Variants in DHTKD1 observed in about 807,000 individuals in gnomAD.
The protein encoded by DHTKD1 is dehydrogenase E1 and transketolase domain containing 1.
Under a neutral mutation model 101.8 loss-of-function variants are expected in DHTKD1, and 78 were observed. The ratio of observed to expected loss-of-function variants is 0.77; its 90% CI spans 0.64 to 0.93. DHTKD1 has a LOEUF of 0.93. Among genes scored for constraint, DHTKD1 ranks in the 40% least tolerant of loss-of-function variants. The pLI, the probability that DHTKD1 is intolerant of heterozygous loss-of-function variation, is 0.00. For synonymous variants in DHTKD1, 462 were observed against 450.3 expected, an observed-to-expected ratio of 1.03 and a Z score of -0.33; for missense variants, 1,223 against 1,161.7, an observed-to-expected ratio of 1.05 and a Z score of -0.77.
In DHTKD1 at chr10:12,106,255, A is replaced by G. The variant is rs1564396341; in HGVS notation, c.1906A>G (p.Ser636Gly). The change falls in exon 11 of 17, where the codon AGC becomes GGC. Residue 636 changes from serine to glycine, a missense_variant. Transcript: ENST00000263035. ...NQKGFLEVSN[S>G]PLSEEAVLGF... ...TCTTCTCTGGGATTAGGTCAGCAACAGCCCACTGTCAGAAGAGGCCGTCCT... is the reference window on the plus strand; with the variant it reads ...TCTTCTCTGGGATTAGGTCAGCAACGGCCCACTGTCAGAAGAGGCCGTCCT... 2.5e-6 allele frequency: 4 copies of G among 1,614,138 alleles called. No individual in the cohort carries two copies. The highest frequency in any genetic ancestry group is 2.5e-6 in the Non-Finnish European group (3 of 1,179,982).
intron 2 of DHTKD1, among the ~76,000 whole-genome samples, chr10:12,083,877 C>A (rs1832858667): frequency 6.6e-6 from 1 of 151,436 alleles, no homozygotes; most frequent in African/African-American, 2.4e-5. Flanking sequence ...TTAGTTTTTT[C>A]TTTAGAAAAA....
intron 14 of DHTKD1, 150 bp from the exon 15 acceptor site, chr10:12,118,599 G>A (rs557266152): frequency 8.0e-5 from 35 of 438,354 alleles, no homozygotes; most frequent in East Asian, 2.5e-4. Flanking sequence ...AGCCAGGATG[G>A]TCTTGATTTC....
At chr10:12,099,280 A>G (rs1833119894) in intron 8 of DHTKD1, among the ~76,000 whole-genome samples, 1 of 152,130 alleles carries the variant, frequency 6.6e-6, no homozygotes, top group Non-Finnish European at 1.5e-5. Flanking sequence ...CACTCAGCTT[A>G]GGAAATAGGA....
intron 4 of DHTKD1, 80 bp from the exon 5 acceptor site, chr10:12,088,906 A>T (rs548060401): frequency 7.5e-7 from 1 of 1,336,706 alleles, no homozygotes; most frequent in South Asian, 1.4e-5. Flanking sequence ...TTTTTGTTGT[A>T]TGATTTCAAC....
In DHTKD1 at chr10:12,107,447, T is replaced by G. The variant is rs112994617; in HGVS notation, c.2048-462T>G. On this transcript the variant is annotated intron_variant, in intron 11 of 16. Transcript: ENST00000263035. This position sits in a 1 kb window ranked among gnomAD's most constrained non-coding sequence, Gnocchi z 4.1. ...TGGCTTTCTTTTTTGAGACGGTGTC[T>G]CACTCTGTCCCTCAGGCTGGTGTGC... Among the ~76,000 whole-genome samples, 1 of 152,080 alleles carries G rather than the reference T, an allele frequency of 6.6e-6. No homozygotes were observed. Among genetic ancestry groups the G allele is most frequent in the Non-Finnish European group, 1.5e-5 (1 of 68,018 alleles).
intron 4 of DHTKD1, among the ~76,000 whole-genome samples, chr10:12,088,707 T>C (rs926037630): frequency 1.3e-5 from 2 of 151,922 alleles, no homozygotes; most frequent in African/African-American, 4.8e-5. Flanking sequence ...CCTCAGCCTC[T>C]CTACTAGCTG....
intron 10 of DHTKD1, among the ~76,000 whole-genome samples, chr10:12,101,622 GA>G (rs1333612177): frequency 1.3e-5 from 2 of 151,942 alleles, no homozygotes; most frequent in African/African-American, 4.8e-5. Flanking sequence ...TTTTTTTTCG[GA>G]GACTTAATCT....
chr10:12,119,521 C>T (rs1467081057), intron 15 of DHTKD1, among the ~76,000 whole-genome samples: 3 of 145,374 alleles, frequency 2.1e-5, no homozygotes, highest in African/African-American at 5.1e-5. Context: ...GAGGCTGACG[C>T]AGGAGAATGG....
At position 12,106,240 on chromosome 10, in the gene DHTKD1, G is replaced by C. The variant is rs772545966; in HGVS notation, c.1897-6G>C. ...TGCAGCGTTTCCTTCTCTTCTCTGG[G>C]ATTAGGTCAGCAACAGCCCACTGTC... On this transcript the variant is annotated splice_region_variant and splice_polypyrimidine_tract_variant and intron_variant, in intron 10 of 16. Coordinates refer to ENST00000263035, the MANE Select transcript of DHTKD1 (RefSeq NM_018706.7). The C allele has an allele frequency of 1.2e-6, 2 of 1,614,160 alleles. No homozygotes were observed. The highest frequency in any genetic ancestry group is 8.5e-7 in the Non-Finnish European group (1 of 1,179,998).
intron 1 of DHTKD1, among the ~76,000 whole-genome samples, chr10:12,079,582 C>A (rs10906065): frequency 0.38 from 58,173 of 151,792 alleles, 12,107 homozygotes; most frequent in South Asian, 0.48. Flanking sequence ...GCAGGGGAAT[C>A]ACTTGAACCC....
intron 10 of DHTKD1, 98 bp downstream of exon 10, chr10:12,101,279 T>A: frequency 7.2e-7 from 1 of 1,393,600 alleles, no homozygotes; most frequent in Non-Finnish European, 9.6e-7. Context: ...AACTTTGGGT[T>A]CAGTACTTTT....
chr10:12,118,720 C>T lies in DHTKD1; in HGVS notation c.2403-29C>T, dbSNP rs779773179. On this transcript the variant is annotated intron_variant, in intron 14 of 16. Transcript: ENST00000263035. ...TTCTTACTTTAAAAAATTTCTCCCC[C>T]ACCCTATTGTTCCTTTTCTGTCCAA... 2.3e-5 allele frequency: 33 copies of T among 1,453,970 alleles called. No homozygotes were observed. In the African/African-American group the frequency reaches 3.9e-4, roughly 17 times the overall value. 90.1% of individuals were successfully genotyped at this position (1,453,970 alleles called of 1,614,324 possible). A position where few individuals can be genotyped will look rare whatever the true frequency, so the allele number is the denominator to read the frequency against.
At chr10:12,102,913 C>T (rs1474597462) in intron 10 of DHTKD1, among the ~76,000 whole-genome samples, 1 of 152,030 alleles carries the variant, frequency 6.6e-6, no homozygotes, top group Non-Finnish European at 1.5e-5. Flanking sequence ...AACCACCACG[C>T]CTGGCCGAAG....
At position 12,074,908 on chromosome 10, in the gene DHTKD1, T is replaced by G. The variant is rs555915027; in HGVS notation, c.154+5721T>G. ...TTAGAGGCCGAAGCCAGTGGGTTAC[T>G]TGAGGTGAGGAGTTCAAGACCAGTC... On this transcript the variant is annotated intron_variant, in intron 1 of 16. Transcript: ENST00000263035. Among the ~76,000 whole-genome samples, 267 of 152,112 alleles carry G rather than the reference T, an allele frequency of 1.8e-3. 2 individuals carry two copies. The highest frequency in any genetic ancestry group is 6.1e-3 in the African/African-American group (254 of 41,546).
chr10:12,070,527 C>T (rs140280774), intron 1 of DHTKD1, among the ~76,000 whole-genome samples: 4 of 152,244 alleles, frequency 2.6e-5, no homozygotes, highest in East Asian at 1.9e-4. Context: ...CTGGCTTTGT[C>T]GCCCAGGCTG....
chr10:12,078,918 G>C (rs1178717948), intron 1 of DHTKD1, among the ~76,000 whole-genome samples: 1 of 152,114 alleles, frequency 6.6e-6, no homozygotes. Flanking sequence ...ACTGGCCTCG[G>C]CCTCTAAGGG....
chr10:12,100,670 G>A (rs1467610204), intron 9 of DHTKD1, among the ~76,000 whole-genome samples: 2 of 152,052 alleles, frequency 1.3e-5, no homozygotes. Flanking sequence ...TGTGTTCATT[G>A]ACCAGAGAGG....
intron 15 of DHTKD1, 42 bp downstream of exon 15, chr10:12,118,960 C>T (rs1481100111): frequency 6.9e-7 from 1 of 1,446,762 alleles, no homozygotes; most frequent in Non-Finnish European, 9.2e-7. Context: ...TTCAGATACC[C>T]AAAACCCATT....
intron 5 of DHTKD1, 102 bp from the exon 6 acceptor site, chr10:12,091,411 C>CAAAAAAAAAAAAAAAAAAAAAAAA (rs71382619): frequency 5.7e-6 from 1 of 174,910 alleles, no homozygotes; most frequent in African/African-American, 4.1e-5. Context: ...GACTCTGTCT[C>CAAAAAAAAAAAAAAAAAAAAAAAA]AAAAAAAAAA....
Sources: gnomAD v4.1 joint callset for allele counts (sites outside exome capture counted in the v4.1 genomes callset) on GRCh38, gnomAD v4.1.1 for gene constraint, Gnocchi (gnomAD v3.1) non-coding constraint, MANE v1.5 for transcripts, NCBI Gene and HGNC (gene_info 2026-07-23, HGNC 2026-07-21) for gene names.